Variants in USP34 observed in about 807,000 individuals in gnomAD.
The protein encoded by USP34 is ubiquitin carboxyl-terminal hydrolase 34.
A neutral mutation model predicts 460.3 loss-of-function variants in USP34; 70 were observed. The ratio of observed to expected loss-of-function variants is 0.15; its 90% CI spans 0.13 to 0.19. The LOEUF (loss-of-function observed/expected upper bound fraction) is 0.19, where lower values mean the gene tolerates loss of function less well. Ranked by LOEUF, USP34 falls within the 10% of genes least tolerant of loss-of-function variation. The probability of loss-of-function intolerance (pLI) is 1.00; values close to 1 mark genes in which losing one functional copy is unlikely to be tolerated. For synonymous variants in USP34, 1,647 were observed against 1,405.3 expected (o/e 1.17, Z -3.85); for missense variants, 3,985 against 4,236.2 (o/e 0.94, Z 1.65).
At chr2:61,396,128 T>A (rs1366786808) in intron 3 of USP34, among the ~76,000 whole-genome samples, 1 of 152,154 alleles carries the variant, frequency 6.6e-6, no homozygotes, top group Non-Finnish European at 1.5e-5. Flanking sequence ...AAGTGGTTTT[T>A]GTTTTGAAAA....
chr2:61,460,141 G>A (rs1441282464), intron 1 of USP34, among the ~76,000 whole-genome samples: 2 of 152,174 alleles, frequency 1.3e-5, no homozygotes, highest in Non-Finnish European at 2.9e-5. Context: ...AGCTTATTAA[G>A]AAATTACAAT....
At chr2:61,199,072 T>A (rs1347990261) in intron 75 of USP34, among the ~76,000 whole-genome samples, 1 of 152,326 alleles carries the variant, frequency 6.6e-6, no homozygotes, top group Admixed American at 6.5e-5. Flanking sequence ...ATTAGCTGTT[T>A]GTGTTTTAAT....
intron 41 of USP34, among the ~76,000 whole-genome samples, chr2:61,269,406 T>C (rs1689148526): frequency 6.6e-6 from 1 of 150,816 alleles, no homozygotes; most frequent in Non-Finnish European, 1.5e-5. Flanking sequence ...GCTCAAGCAA[T>C]CCTTTTGCCT....
At chr2:61,374,807 G>A (rs892384534) in intron 8 of USP34, among the ~76,000 whole-genome samples, 9 of 152,140 alleles carry the variant, frequency 5.9e-5, no homozygotes, top group African/African-American at 2.2e-4. Flanking sequence ...GACCTCAGGT[G>A]ATCCACCAGC....
intron 27 of USP34, among the ~76,000 whole-genome samples, chr2:61,306,819 C>A (rs547344634): frequency 1.3e-5 from 2 of 152,116 alleles, no homozygotes; most frequent in African/African-American, 4.8e-5. Context: ...GAAACAACAG[C>A]TGCTGGAGAG....
At chr2:61,334,227 G>T (rs767730332) in intron 18 of USP34, among the ~76,000 whole-genome samples, 69 of 152,150 alleles carry the variant, frequency 4.5e-4, no homozygotes, top group Non-Finnish European at 9.3e-4. Flanking sequence ...AGCAAGTGAA[G>T]AGCATTTAAA....
At chr2:61,282,997 A>C (rs1171800926) in intron 37 of USP34, 148 bp downstream of exon 37, 1 of 703,446 alleles carries the variant, frequency 1.4e-6, no homozygotes, top group African/African-American at 1.8e-5. Context: ...CATAGTTCAA[A>C]ACACTCTAGA....
At chr2:61,434,277 G>A (rs972938468) in intron 1 of USP34, among the ~76,000 whole-genome samples, 5 of 152,074 alleles carry the variant, frequency 3.3e-5, no homozygotes, top group Non-Finnish European at 7.3e-5. Context: ...CATCCCCCCA[G>A]GCCAGCCAGG....
intron 51 of USP34, among the ~76,000 whole-genome samples, chr2:61,243,558 A>T (rs1038596770): frequency 2.9e-4 from 42 of 144,604 alleles, no homozygotes; most frequent in Non-Finnish European, 4.7e-4. Flanking sequence ...TTCTTCCTTC[A>T]TTTTTTTTTT....
chr2:61,468,372 G>C lies in USP34; in HGVS notation c.43+2278C>G, dbSNP rs535757651. The stretch of plus-strand genomic sequence containing the variant: ...CTAATTTTGTATTTTGAGTAGAGAC[G>C]GGGTTTCTCCATGTTAGTCAGGCTG... On this transcript the variant is annotated intron_variant, in intron 1 of 79. Transcript: ENST00000398571. 2.5e-4 allele frequency among the ~76,000 whole-genome samples: 38 copies of C among 152,264 alleles called. No individual in the cohort carries two copies. The South Asian group carries it at 5.6e-3, about 22-fold the overall frequency.
chr2:61,363,438 A>G (rs1400570782), intron 10 of USP34, among the ~76,000 whole-genome samples: 2 of 152,218 alleles, frequency 1.3e-5, no homozygotes, highest in East Asian at 3.8e-4. Flanking sequence ...TACTTATACA[A>G]AAGATGGTAG....
At chr2:61,257,413 A>G in intron 44 of USP34, 63 bp from the exon 45 acceptor site, 2 of 1,397,394 alleles carry the variant, frequency 1.4e-6, no homozygotes, top group Non-Finnish European at 1.9e-6. Context: ...TAGGTTCTTC[A>G]ATGAACATAT....
chr2:61,441,099 G>C (rs1295228433), intron 1 of USP34, among the ~76,000 whole-genome samples: 1 of 150,048 alleles, frequency 6.7e-6, no homozygotes, highest in Non-Finnish European at 1.5e-5. Context: ...CTGCACTCCA[G>C]CCTGGACAAC....
chr2:61,267,758 C>G (rs1689094882), intron 41 of USP34, among the ~76,000 whole-genome samples: 1 of 152,068 alleles, frequency 6.6e-6, no homozygotes, highest in Non-Finnish European at 1.5e-5. Flanking sequence ...GGACTACAGG[C>G]GCCCACCACA....
chr2:61,247,381 T>C (rs750192805), intron 49 of USP34, among the ~76,000 whole-genome samples: 1 of 151,966 alleles, frequency 6.6e-6, no homozygotes, highest in Non-Finnish European at 1.5e-5. Context: ...GATATGCTTA[T>C]GGAGGCAGTG....
In USP34 at chr2:61,405,730, T is replaced by G; in HGVS notation, c.530A>C (p.His177Pro). The change falls in exon 3 of 80, where the codon CAT (histidine) becomes CCT (proline). Residue 177 changes from histidine to proline, a missense_variant. Physicochemically the swap from His to Pro is moderately conservative, Grantham distance 77. Coordinates refer to ENST00000398571, the MANE Select transcript of USP34 (RefSeq NM_014709.4). ...TACCTCAATAGTAGGGTGAGTATTATGCTTGTAAGCAGTATATAAGGGAAA... is the reference window on the plus strand; with the variant it reads ...TACCTCAATAGTAGGGTGAGTATTAGGCTTGTAAGCAGTATATAAGGGAAA... ...IQFPLYTAYK[H>P]NTHPTIEDIS... 6.4e-7 allele frequency: 1 copy of G among 1,564,406 alleles called. No individual in the cohort carries two copies. The highest frequency in any genetic ancestry group is 8.6e-7 in the Non-Finnish European group (1 of 1,160,126).
intron 2 of USP34, 123 bp from the exon 3 acceptor site, chr2:61,406,251 T>G (rs910139997): frequency 1.2e-6 from 1 of 868,278 alleles, no homozygotes; most frequent in Non-Finnish European, 1.7e-6. Context: ...TTTTCCTTCC[T>G]GCTGGGGTAC....
At position 61,312,344 on chromosome 2, in the gene USP34, A is replaced by G. The variant is rs554063224; in HGVS notation, c.3543-434T>C. Reference sequence around the variant, plus strand: ...GAAACATTCTGGTAAATATATACTAACGAGCCTAATAGAATTTGAGAGTCA... The same window carrying G: ...GAAACATTCTGGTAAATATATACTAGCGAGCCTAATAGAATTTGAGAGTCA... On this transcript the variant is annotated intron_variant, in intron 25 of 79. Transcript: ENST00000398571. 8.5e-5 allele frequency among the ~76,000 whole-genome samples: 13 copies of G among 152,220 alleles called. No homozygotes were observed. In the South Asian group the frequency reaches 1.0e-3, roughly 12 times the overall value.
intron 1 of USP34, among the ~76,000 whole-genome samples, chr2:61,449,334 C>T (rs1404802218): frequency 6.6e-6 from 1 of 151,466 alleles, no homozygotes; most frequent in East Asian, 1.9e-4. Flanking sequence ...AAAGATATCC[C>T]ATGTTCATGG....
Sources: gnomAD v4.1 joint callset for allele counts (sites outside exome capture counted in the v4.1 genomes callset) on GRCh38, gnomAD v4.1.1 for gene constraint, MANE v1.5 for transcripts, NCBI Gene and HGNC (gene_info 2026-07-23, HGNC 2026-07-21) for gene names.